Variants in UNC79 observed in about 807,000 individuals in gnomAD.
UNC79 encodes protein unc-79 homolog.
UNC79 carries 37 observed loss-of-function variants against 283.1 expected under a neutral mutation model. The observed-to-expected ratio is 0.13, with a 90% CI of 0.10 to 0.17. The LOEUF (loss-of-function observed/expected upper bound fraction) is 0.17, where lower values mean the gene tolerates loss of function less well. Ranked by LOEUF, UNC79 falls within the 10% of genes least tolerant of loss-of-function variation. The pLI is 1.00. For missense variants in UNC79, 2,272 were observed against 3,211.1 expected (o/e 0.71, Z 7.07); for synonymous variants, 1,107 against 1,200.2 (o/e 0.92, Z 1.61).
At chr14:93,395,392 A>G (rs1251781811) in intron 1 of UNC79, among the ~76,000 whole-genome samples, 1 of 152,238 alleles carries the variant, frequency 6.6e-6, no homozygotes, top group African/African-American at 2.4e-5. Flanking sequence ...GGGAGGCCTC[A>G]GGAAACTCAC....
chr14:93,671,299 A>G (rs2072823976), intron 40 of UNC79, among the ~76,000 whole-genome samples: 1 of 152,194 alleles, frequency 6.6e-6, no homozygotes, highest in Non-Finnish European at 1.5e-5. Flanking sequence ...ATGAAATAAT[A>G]AATACCAGAT....
chr14:93,430,891 A>C lies in UNC79; in HGVS notation c.-139A>C. On this transcript the variant is annotated 5_prime_UTR_variant, in exon 1 of 49. Coordinates refer to ENST00000555664, the Ensembl canonical transcript of UNC79. This position sits in a 1 kb window ranked among gnomAD's most constrained non-coding sequence, Gnocchi z 4.6. Reference sequence around the variant, plus strand: ...TGTGCGTTTTGTCCGAATGGTAGCGACACGGGCCTAAGGGAGGGGGAAAGC... The same window carrying C: ...TGTGCGTTTTGTCCGAATGGTAGCGCCACGGGCCTAAGGGAGGGGGAAAGC... 2.1e-6 allele frequency: 1 copy of C among 470,998 alleles called. No individual in the cohort carries two copies. Among genetic ancestry groups the C allele is most frequent in the South Asian group, 2.0e-5 (1 of 50,718 alleles). 29.2% of individuals were successfully genotyped at this position (470,998 alleles called of 1,614,324 possible). A position where few individuals can be genotyped will look rare whatever the true frequency, so the allele number is the denominator to read the frequency against.
At chr14:93,469,981 T>C (rs1256257660) in intron 2 of UNC79, among the ~76,000 whole-genome samples, 1 of 152,184 alleles carries the variant, frequency 6.6e-6, no homozygotes, top group Non-Finnish European at 1.5e-5. Flanking sequence ...AAACAAGATT[T>C]TCTACTGCAA....
chr14:93,376,351 C>T (rs529578091), intron 1 of UNC79, among the ~76,000 whole-genome samples: 1 of 152,186 alleles, frequency 6.6e-6, no homozygotes, highest in East Asian at 1.9e-4. Context: ...AAATCTTTCT[C>T]TAATCTTTCC....
intron 47 of UNC79, among the ~76,000 whole-genome samples, chr14:93,697,414 G>A (rs1261718225): frequency 6.6e-6 from 1 of 152,138 alleles, no homozygotes; most frequent in African/African-American, 2.4e-5. Flanking sequence ...GAGATTATAG[G>A]TGTGAGCCAC....
chr14:93,626,344 T>C (rs2067567348), intron 30 of UNC79, among the ~76,000 whole-genome samples: 1 of 151,826 alleles, frequency 6.6e-6, no homozygotes, highest in African/African-American at 2.4e-5. Context: ...AGGTTAACTG[T>C]CTGTAGTCCT....
At chr14:93,673,415 A>C (rs1412219707) in exon 41 of UNC79, 1 of 1,613,326 alleles carries the variant, frequency 6.2e-7, no homozygotes, top group Non-Finnish European at 8.5e-7. Context: ...CTAAAGCTCA[A>C]ATCTCCTTTA....
At chr14:93,675,946 A>G (rs2073307394) in intron 41 of UNC79, among the ~76,000 whole-genome samples, 1 of 152,186 alleles carries the variant, frequency 6.6e-6, no homozygotes. Context: ...AAGAGAAACC[A>G]ACTTTGCATT....
At chr14:93,493,193 G>C (rs986004864) in intron 5 of UNC79, among the ~76,000 whole-genome samples, 2 of 152,138 alleles carry the variant, frequency 1.3e-5, no homozygotes, top group African/African-American at 4.8e-5. Flanking sequence ...CCTACAAGGG[G>C]GGGCGGTTCA....
intron 4 of UNC79, among the ~76,000 whole-genome samples, chr14:93,486,794 A>G (rs2058466650): frequency 6.6e-6 from 1 of 152,198 alleles, no homozygotes; most frequent in Non-Finnish European, 1.5e-5. Flanking sequence ...AAACAAAGAA[A>G]TTTAATATGG....
At chr14:93,578,115 C>T (rs1315802367) in intron 18 of UNC79, 52 bp downstream of exon 18, 3 of 1,507,984 alleles carry the variant, frequency 2.0e-6, no homozygotes, top group Non-Finnish European at 1.8e-6. Flanking sequence ...TGAGAGAAAG[C>T]GTTGTACAGC....
intron 30 of UNC79, among the ~76,000 whole-genome samples, chr14:93,625,147 T>C (rs1005285410): frequency 6.6e-6 from 1 of 152,142 alleles, no homozygotes; most frequent in Non-Finnish European, 1.5e-5. Context: ...CCTTGCCTTC[T>C]GAGTCTAATG....
intron 7 of UNC79, among the ~76,000 whole-genome samples, chr14:93,502,170 T>C (rs2059325211): frequency 6.6e-6 from 1 of 152,152 alleles, no homozygotes; most frequent in African/African-American, 2.4e-5. Context: ...TCCCAGCACT[T>C]TGGGAGGCCG....
intron 1 of UNC79, among the ~76,000 whole-genome samples, chr14:93,407,074 T>G (rs935912431): frequency 7.2e-5 from 11 of 152,170 alleles, no homozygotes; most frequent in African/African-American, 2.7e-4. Context: ...TTCCATGAAC[T>G]TATTTCCTGT....
intron 8 of UNC79, among the ~76,000 whole-genome samples, chr14:93,524,357 A>C (rs2060453383): frequency 1.3e-5 from 2 of 152,240 alleles, no homozygotes; most frequent in Non-Finnish European, 2.9e-5. Context: ...GAACTCAGGG[A>C]AATGTATTTT....
In UNC79 at chr14:93,612,971, G is replaced by A; in HGVS notation, c.3929G>A (p.Arg1310Gln). ...GCAAAGGCCTTCAACACGGTCAAGC[G>A]ACACCTGTACGTCTTACTCGGCTAT... Residue 1310 changes from arginine to glutamine, a missense_variant, in exon 27 of 49, where the codon CGA becomes CAA. Arg to Gln is a conservative substitution (Grantham distance 43). Transcript: ENST00000555664. 1 of 1,614,142 alleles carries A rather than the reference G, an allele frequency of 6.2e-7. No homozygotes were observed. The highest frequency in any genetic ancestry group is 8.5e-7 in the Non-Finnish European group (1 of 1,180,022).
intron 14 of UNC79, among the ~76,000 whole-genome samples, chr14:93,562,028 G>A (rs1275937169): frequency 1.3e-5 from 2 of 152,160 alleles, no homozygotes; most frequent in Non-Finnish European, 2.9e-5. Context: ...GGCTCATAAG[G>A]GTTATTACTG....
intron 3 of UNC79, among the ~76,000 whole-genome samples, 167 bp from the exon 4 acceptor site, chr14:93,477,391 C>G (rs2057863518): frequency 6.6e-6 from 1 of 152,162 alleles, no homozygotes; most frequent in Non-Finnish European, 1.5e-5. Context: ...TGACCAATTA[C>G]TGTATAAATA....
intron 5 of UNC79, among the ~76,000 whole-genome samples, chr14:93,490,580 G>A (rs1253942282): frequency 6.6e-6 from 1 of 152,170 alleles, no homozygotes; most frequent in Non-Finnish European, 1.5e-5. Flanking sequence ...CAAGTTCTTT[G>A]TCACTTTATA....
Sources: gnomAD v4.1 joint callset for allele counts (sites outside exome capture counted in the v4.1 genomes callset) on GRCh38, gnomAD v4.1.1 for gene constraint, Gnocchi (gnomAD v3.1) non-coding constraint, MANE v1.5 for transcripts, NCBI Gene and HGNC (gene_info 2026-07-23, HGNC 2026-07-21) for gene names.